The following WTIP variants were observed in gnomAD, a reference collection of about 807,000 sequenced individuals.
WTIP encodes WT1 interacting protein.
WTIP carries 23 observed loss-of-function variants against 41.7 expected under a neutral mutation model. The observed-to-expected ratio is 0.55, with a 90% CI of 0.40 to 0.78. The LOEUF is 0.78. WTIP is among the 30% of genes least tolerant of loss of function. The probability of loss-of-function intolerance (pLI) is 0.00; values close to 1 mark genes in which losing one functional copy is unlikely to be tolerated. For synonymous variants in WTIP, 314 were observed against 269.9 expected (o/e 1.16, Z -1.60); for missense variants, 619 against 610.5 (o/e 1.01, Z -0.15).
At position 34,498,205 on chromosome 19, in the gene WTIP, C is replaced by G. The variant is rs1308939279; in HGVS notation, c.1153-1924C>G. ...GTAACGGGTCAAAGCCGCCAGCATT[C>G]CAGCCCCGAGCCCGCAACGGTAAAA... On this transcript the variant is annotated intron_variant, in intron 7 of 7. Transcript: ENST00000590071. 2.6e-5 allele frequency among the ~76,000 whole-genome samples: 4 copies of G among 152,166 alleles called. No individual in the cohort carries two copies. In the East Asian group the frequency reaches 7.7e-4, roughly 29 times the overall value.
At position 34,500,166 on chromosome 19, in the gene WTIP, G is replaced by T; in HGVS notation, c.1190G>T (p.Arg397Leu). 2 of 1,602,056 alleles carry T rather than the reference G, an allele frequency of 1.2e-6. No individual in the cohort carries two copies. The highest frequency in any genetic ancestry group is 1.7e-6 in the Non-Finnish European group (2 of 1,179,786). ...CAGCTGAGCGGGGAGGAGGGACGCC[G>T]TTGCTATCCCCTGGCGGGCCACCTA... ...GLQLSGEEGR[R>L]CYPLAGHLLC... The change falls in exon 8 of 8, where the codon CGT becomes CTT. Residue 397 changes from arginine (R) to leucine (L), a missense_variant. Arg to Leu is a moderately radical substitution (Grantham distance 102). Transcript: ENST00000590071.
rs1022785894 is a variant in WTIP, at chr19:34,506,786, AAATAAATAAATG to A, written c.*6522_*6533del. 9.4e-5 allele frequency: 14 copies of A among 148,804 alleles called. No homozygotes were observed. Among genetic ancestry groups the A allele is most frequent in the African/African-American group, 2.2e-4 (9 of 40,106 alleles). The allele number at this position is 148,804 out of a possible 1,614,324, so 9.2% of individuals were successfully genotyped here. A position where few individuals can be genotyped will look rare whatever the true frequency, so the allele number is the denominator to read the frequency against. ...AAAATAAATAAATAAATAAATAAAT[AAATAAATAAATG>A]AATATAAATAAAACTGGTTAAAAAT... On this transcript the variant is annotated 3_prime_UTR_variant, in exon 8 of 8. Transcript: ENST00000590071.
intron 1 of WTIP, among the ~76,000 whole-genome samples, chr19:34,483,727 G>T (rs1341171331): frequency 6.6e-6 from 1 of 152,146 alleles, no homozygotes; most frequent in Non-Finnish European, 1.5e-5. Context: ...GACAGCTCTT[G>T]GGGTGAGATT....
At chr19:34,500,073 CCT>C in intron 7 of WTIP, 54 bp from the exon 8 acceptor site, 1 of 1,582,542 alleles carries the variant, frequency 6.3e-7, no homozygotes, top group Non-Finnish European at 8.5e-7. Context: ...CGTCCCGTGA[CCT>C]CTGATGTGCG....
chr19:34,482,222 C>G lies in WTIP; in HGVS notation c.248C>G (p.Ala83Gly), dbSNP rs1220165190. 13 of 1,157,482 alleles carry G rather than the reference C, an allele frequency of 1.1e-5. No homozygotes were observed. Among genetic ancestry groups the G allele is most frequent in the Non-Finnish European group, 1.1e-5 (10 of 944,654 alleles). 71.7% of individuals were successfully genotyped at this position (1,157,482 alleles called of 1,614,324 possible). The change falls in exon 1 of 8, where the codon GCG becomes GGG. Residue 83 changes from alanine (A) to glycine (G), a missense_variant. Coordinates refer to ENST00000590071, the MANE Select transcript of WTIP (RefSeq NM_001080436.2). ...PRRAAVPELS[A>G]QPAGSPRASL... is the part of the protein sequence containing the mutation. ...CGCGCGGCGGTTCCGGAGCTCAGCGCGCAGCCTGCGGGCAGCCCACGGGCC... is the reference window on the plus strand; with the variant it reads ...CGCGCGGCGGTTCCGGAGCTCAGCGGGCAGCCTGCGGGCAGCCCACGGGCC...
In WTIP at chr19:34,481,885, C is replaced by T. The variant is rs1292857486; in HGVS notation, c.-90C>T. ...CGCCCAGGGGTCCCGGGGCGGGCTC[C>T]GGGCTTCGGGCGGACGATGCGGCGG... On this transcript the variant is annotated 5_prime_UTR_variant, in exon 1 of 8. Transcript: ENST00000590071. 1.3e-5 allele frequency: 11 copies of T among 826,314 alleles called. No individual in the cohort carries two copies. Among genetic ancestry groups the T allele is most frequent in the African/African-American group, 5.6e-5 (3 of 54,008 alleles). 51.2% of individuals were successfully genotyped at this position (826,314 alleles called of 1,614,324 possible).
rs2075898334 is a variant in WTIP at position 34,503,567 on chromosome 19, C to T, written c.*3298C>T. ...CCCTGGATGCCACCCCCCACCTGCCCAAGGGGACCCCCACTGATGTGGTCT... is the reference window on the plus strand; with the variant it reads ...CCCTGGATGCCACCCCCCACCTGCCTAAGGGGACCCCCACTGATGTGGTCT... On this transcript the variant is annotated 3_prime_UTR_variant, in exon 8 of 8. Coordinates refer to ENST00000590071, the MANE Select transcript of WTIP (RefSeq NM_001080436.2). 6.5e-6 allele frequency: 1 copy of T among 152,946 alleles called. No individual in the cohort carries two copies. The highest frequency in any genetic ancestry group is 1.5e-5 in the Non-Finnish European group (1 of 68,518). 9.5% of individuals were successfully genotyped at this position (152,946 alleles called of 1,614,324 possible).
rs370111911 is a variant in WTIP at position 34,500,199 on chromosome 19, G to T, written c.1223G>T (p.Arg408Leu). Reference sequence around the variant, plus strand: ...CCCCTGGCGGGCCACCTACTGTGTCGTCGTTGCCACCTGCGGCGCCTCCAA... The same window carrying T: ...CCCCTGGCGGGCCACCTACTGTGTCTTCGTTGCCACCTGCGGCGCCTCCAA... ...CYPLAGHLLC[R>L]RCHLRRLQPG... Residue 408 changes from arginine (R) to leucine (L), a missense_variant, in exon 8 of 8, where the codon CGT (arginine) becomes CTT (leucine). By Grantham distance (102) the Arg-to-Leu change is moderately radical. Coordinates refer to ENST00000590071, the MANE Select transcript of WTIP (RefSeq NM_001080436.2). 1 of 1,605,326 alleles carries T rather than the reference G, an allele frequency of 6.2e-7. No homozygotes were observed. Among genetic ancestry groups the T allele is most frequent in the Non-Finnish European group, 8.5e-7 (1 of 1,179,694 alleles).
At chr19:34,497,232 C>A (rs1222234459) in intron 7 of WTIP, among the ~76,000 whole-genome samples, 1 of 152,124 alleles carries the variant, frequency 6.6e-6, no homozygotes, top group Admixed American at 6.5e-5. Context: ...CTCAAGGAGA[C>A]CACGGGGCTC....
At chr19:34,494,268 C>G (rs2075841285) in intron 5 of WTIP, among the ~76,000 whole-genome samples, 1 of 151,990 alleles carries the variant, frequency 6.6e-6, no homozygotes, top group Non-Finnish European at 1.5e-5. Flanking sequence ...AGATAAGAGG[C>G]CAGGGCCGGG....
rs1325974444 is a variant in WTIP at position 34,501,409 on chromosome 19, T to G, written c.*1140T>G. 6.6e-6 allele frequency: 1 copy of G among 152,002 alleles called. No homozygotes were observed. Among genetic ancestry groups the G allele is most frequent in the Non-Finnish European group, 1.5e-5 (1 of 68,048 alleles). The allele number at this position is 152,002 out of a possible 1,614,324, so 9.4% of individuals were successfully genotyped here. A position where few individuals can be genotyped will look rare whatever the true frequency, so the allele number is the denominator to read the frequency against. On this transcript the variant is annotated 3_prime_UTR_variant, in exon 8 of 8. Transcript: ENST00000590071. ...CGCCCCATGAAATGCAGTGTGGAGG[T>G]CCCTCCGTGCTCCCCGGGACACACT...
Position 34,482,265 on chromosome 19 carries a change from C to T in WTIP, c.291C>T (p.Asp97=). The change falls in exon 1 of 8, where the codon GAC becomes GAT. Residue 97 remains aspartate (D), a synonymous_variant. Transcript: ENST00000590071. ...GSPRASLAGS[D]GGGGGGSARS... ...CACGGGCCAGCCTGGCGGGGTCCGA[C>T]GGCGGCGGCGGTGGCGGCAGCGCCC... The T allele has an allele frequency of 1.5e-6, 2 of 1,291,968 alleles. No individual in the cohort carries two copies. Among genetic ancestry groups the T allele is most frequent in the Non-Finnish European group, 2.0e-6 (2 of 1,012,836 alleles). The allele number at this position is 1,291,968 out of a possible 1,614,324, so 80.0% of individuals were successfully genotyped here. A position where few individuals can be genotyped will look rare whatever the true frequency, so the allele number is the denominator to read the frequency against.
chr19:34,490,254 T>C (rs2145598502), intron 1 of WTIP, 122 bp from the exon 2 acceptor site: 2 of 817,972 alleles, frequency 2.4e-6, no homozygotes, highest in Non-Finnish European at 4.0e-6. Context: ...TCGAGTGATG[T>C]TGGCCTAGGA....
At chr19:34,495,378 CAGAG>C (rs1241225116) in intron 6 of WTIP, among the ~76,000 whole-genome samples, 1 of 151,838 alleles carries the variant, frequency 6.6e-6, no homozygotes, top group South Asian at 2.1e-4. Context: ...GCATGGGCAA[CAGAG>C]AGAGACCCTG....
At position 34,482,300 on chromosome 19, in the gene WTIP, G is replaced by T; in HGVS notation, c.326G>T (p.Gly109Val). ...GGGGGSARSS[G>V]ISLGYDQRHG... ...GGTGGCGGCAGCGCCCGATCCAGCGGCATCAGCCTGGGCTACGACCAGCGC... is the reference window on the plus strand; with the variant it reads ...GGTGGCGGCAGCGCCCGATCCAGCGTCATCAGCCTGGGCTACGACCAGCGC... Residue 109 changes from glycine to valine, a missense_variant, in exon 1 of 8, where the codon GGC becomes GTC. Coordinates refer to ENST00000590071, the MANE Select transcript of WTIP (RefSeq NM_001080436.2). 4.4e-6 allele frequency: 6 copies of T among 1,365,622 alleles called. No individual in the cohort carries two copies. Among genetic ancestry groups the T allele is most frequent in the Non-Finnish European group, 5.7e-6 (6 of 1,051,444 alleles). 84.6% of individuals were successfully genotyped at this position (1,365,622 alleles called of 1,614,324 possible).
At chr19:34,482,988 TTTTTTTTTTTCTTTCTTC>T (rs1290255961) in intron 1 of WTIP, among the ~76,000 whole-genome samples, 31 of 31,828 alleles carry the variant, frequency 9.7e-4, no homozygotes, top group African/African-American at 1.6e-3. Flanking sequence ...TCTTTCTTCT[TTTTTTTTTTTCTTTCTTC>T]TTTTTTTTTT....
chr19:34,483,898 C>T (rs1037673903), intron 1 of WTIP, among the ~76,000 whole-genome samples: 2 of 147,614 alleles, frequency 1.4e-5, no homozygotes, highest in East Asian at 2.0e-4. Context: ...CAGCAGCTCA[C>T]GGCTGCCCTG....
chr19:34,493,140 G>A lies in WTIP; in HGVS notation c.837+36G>A, dbSNP rs771243351. The A allele has an allele frequency of 2.5e-6, 4 of 1,613,628 alleles. No individual in the cohort carries two copies. The highest frequency in any genetic ancestry group is 2.2e-5 in the South Asian group (2 of 91,074). On this transcript the variant is annotated intron_variant, in intron 3 of 7. Transcript: ENST00000590071. This position sits in a 1 kb window ranked among gnomAD's most constrained non-coding sequence, Gnocchi z 4.1. ...GCTGTGCCCTGGCAGTGCCAGGGGT[G>A]GGAGGTGGGGCAGGGACCCTCATTC...
At chr19:34,495,882 C>A in intron 7 of WTIP, 111 bp downstream of exon 7, 7 of 1,086,962 alleles carry the variant, frequency 6.4e-6, no homozygotes, top group Non-Finnish European at 9.3e-6. Flanking sequence ...TTTTGCCAGG[C>A]TCGGTGGTTC....
Sources: gnomAD v4.1 joint callset for allele counts (sites outside exome capture counted in the v4.1 genomes callset) on GRCh38, gnomAD v4.1.1 for gene constraint, Gnocchi (gnomAD v3.1) non-coding constraint, MANE v1.5 for transcripts, NCBI Gene and HGNC (gene_info 2026-07-23, HGNC 2026-07-21) for gene names.